The following COL4A4 variants were observed in gnomAD, a reference collection of about 807,000 sequenced individuals.
COL4A4 encodes the protein collagen alpha-4(IV) chain.
In COL4A4, 105 loss-of-function variants were observed where a neutral mutation model predicts 192.9. The observed-to-expected ratio is 0.54, with a 90% confidence interval of 0.46 to 0.64. The LOEUF is 0.64. COL4A4 is among the 30% of genes least tolerant of loss of function. The pLI is 0.00. For missense variants in COL4A4, 1,967 were observed against 2,169.3 expected (o/e 0.91, Z 1.85); for synonymous variants, 762 against 769.9 (o/e 0.99, Z 0.17).
chr2:227,087,912 A>C (rs1010271064), intron 22 of COL4A4, among the ~76,000 whole-genome samples: 3 of 151,892 alleles, frequency 2.0e-5, no homozygotes, highest in Non-Finnish European at 4.4e-5. Context: ...TCTTCTCTCC[A>C]GCTACAATCG....
chr2:227,032,420 T>C, intron 38 of COL4A4, 144 bp from the exon 39 acceptor site: 1 of 855,558 alleles, frequency 1.2e-6, no homozygotes, highest in Non-Finnish European at 1.9e-6. Flanking sequence ...GTGATCCAAA[T>C]GTCTGCACCA....
intron 4 of COL4A4, among the ~76,000 whole-genome samples, chr2:227,129,332 C>T (rs753247945): frequency 6.6e-6 from 1 of 152,018 alleles, no homozygotes; most frequent in Non-Finnish European, 1.5e-5. Context: ...GACTAAATAA[C>T]GTCATCACCT....
Position 227,054,643 on chromosome 2 carries a change from C to G in COL4A4, c.2811G>C (p.Glu937Asp). The part of the protein sequence containing the change: ...GCPGAKGEPG[E>D]KGMSGLPGDR... ...CTCCAGGAAGGCCAGACATGCCCTT[C>G]TCTCCAGGTTCTCCCTTTGCGCCAG... Residue 937 changes from glutamate (E) to aspartate (D), a missense_variant, in exon 31 of 48, where the codon GAG becomes GAC. Coordinates refer to ENST00000396625, the MANE Select transcript of COL4A4 (RefSeq NM_000092.5). 6.2e-7 allele frequency: 1 copy of G among 1,614,260 alleles called. No individual in the cohort carries two copies. The highest frequency in any genetic ancestry group is 8.5e-7 in the Non-Finnish European group (1 of 1,180,044).
In COL4A4 at chr2:227,030,073, TTAAAA is replaced by T. The variant is rs934866039; in HGVS notation, c.3973+365_3973+369del. On this transcript the variant is annotated intron_variant, in intron 41 of 47. Transcript: ENST00000396625. ...TTGATAAATGTATATTAACTATATGTTAAAATAAAAATATTTAAATATATTATGTT... is the reference window on the plus strand; with the variant it reads ...TTGATAAATGTATATTAACTATATGTTAAAAATATTTAAATATATTATGTT... 9.5e-4 allele frequency among the ~76,000 whole-genome samples: 144 copies of T among 151,568 alleles called. 1 individual carries two copies. Among genetic ancestry groups the T allele is most frequent in the African/African-American group, 3.3e-3 (137 of 41,250 alleles).
chr2:227,078,081 G>A lies in COL4A4; in HGVS notation c.1804-4C>T, dbSNP rs1464857860. On this transcript the variant is annotated splice_region_variant and splice_polypyrimidine_tract_variant and intron_variant, in intron 24 of 47. Transcript: ENST00000396625. ...GGGTCGCATCTTCATGATCCCCCTG[G>A]GAATGTTATGTCATGAGTCAATTAC... 1.9e-6 allele frequency: 3 copies of A among 1,613,654 alleles called. No homozygotes were observed. The highest frequency in any genetic ancestry group is 1.7e-4 in the Middle Eastern group (1 of 6,052).
At chr2:227,067,933 G>A (rs916822476) in intron 25 of COL4A4, among the ~76,000 whole-genome samples, 6 of 138,760 alleles carry the variant, frequency 4.3e-5, no homozygotes, top group African/African-American at 1.3e-4. Context: ...CCAGGAGCTG[G>A]TTTTTTGAAA....
Position 227,108,576 on chromosome 2 carries a change from C to A in COL4A4, c.735+5G>T. The A allele has an allele frequency of 6.2e-7, 1 of 1,613,868 alleles. No homozygotes were observed. The highest frequency in any genetic ancestry group is 1.1e-5 in the South Asian group (1 of 91,056). On this transcript the variant is annotated splice_donor_5th_base_variant and intron_variant, in intron 12 of 47. Transcript: ENST00000396625. The stretch of plus-strand genomic sequence containing the variant: ...CTGCTCCTCAGAGCAAGAGGGAATT[C>A]TTACCGGGTCTCCCATTTGCCCCTT...
the COL4A4 span, among the ~76,000 whole-genome samples, chr2:226,972,805 A>C: frequency 1.3e-5 from 2 of 151,988 alleles, no homozygotes; most frequent in African/African-American, 4.8e-5. Context: ...GTCTATTTGA[A>C]ATGTTTTGGT....
chr2:227,103,681 G>T (rs1164201338), intron 13 of COL4A4, among the ~76,000 whole-genome samples: 2 of 152,204 alleles, frequency 1.3e-5, no homozygotes, highest in African/African-American at 4.8e-5. Context: ...GCTTCCGGTG[G>T]TCTTTTCAAT....
chr2:227,079,145 C>T (rs2059191238), intron 24 of COL4A4, among the ~76,000 whole-genome samples: 1 of 152,180 alleles, frequency 6.6e-6, no homozygotes, highest in East Asian at 1.9e-4. Context: ...CAAGCACTCT[C>T]AAATGCAAGG....
At chr2:227,130,543 G>GC (rs1197001899) in intron 4 of COL4A4, among the ~76,000 whole-genome samples, 1 of 152,018 alleles carries the variant, frequency 6.6e-6, no homozygotes, top group Non-Finnish European at 1.5e-5. Flanking sequence ...GTGTCTTGTG[G>GC]CCCCCTCTTC....
At chr2:226,992,749 G>A in the COL4A4 span, among the ~76,000 whole-genome samples, 1 of 152,228 alleles carries the variant, frequency 6.6e-6, no homozygotes, top group African/African-American at 2.4e-5. Context: ...CAGGAAGGGC[G>A]GGAATGGTGA....
chr2:227,015,406 C>T (rs1417833977), intron 44 of COL4A4, among the ~76,000 whole-genome samples: 2 of 152,092 alleles, frequency 1.3e-5, no homozygotes, highest in African/African-American at 4.8e-5. Context: ...CTCTCCTTAC[C>T]TAACAAATCA....
At chr2:227,037,562 T>G (rs1207711001) in intron 37 of COL4A4, among the ~76,000 whole-genome samples, 2 of 152,232 alleles carry the variant, frequency 1.3e-5, no homozygotes, top group Non-Finnish European at 2.9e-5. Context: ...TGCATAGGTC[T>G]TTATAGCAGA....
At chr2:227,053,544 T>A (rs900085480) in intron 31 of COL4A4, among the ~76,000 whole-genome samples, 20 of 18,640 alleles carry the variant, frequency 1.1e-3, no homozygotes, top group African/African-American at 8.7e-3. Context: ...TTTCTTTTTC[T>A]TTTTTTTTTT....
intron 25 of COL4A4, among the ~76,000 whole-genome samples, chr2:227,068,950 T>C (rs1462779909): frequency 2.0e-5 from 3 of 150,266 alleles, no homozygotes; most frequent in Non-Finnish European, 4.4e-5. Flanking sequence ...GACGACATGA[T>C]TGTATATCTA....
intron 4 of COL4A4, among the ~76,000 whole-genome samples, chr2:227,129,661 G>A (rs1384492173): frequency 2.0e-5 from 3 of 151,960 alleles, no homozygotes; most frequent in African/African-American, 7.3e-5. Flanking sequence ...CGCCCCCCTC[G>A]GCCTCCCAAA....
chr2:227,143,016 A>G (rs73993696), intron 3 of COL4A4, among the ~76,000 whole-genome samples: 1 of 139,546 alleles, frequency 7.2e-6, no homozygotes, highest in Non-Finnish European at 1.5e-5. Context: ...ACACACACAC[A>G]CACGCACACA....
the COL4A4 span, among the ~76,000 whole-genome samples, chr2:226,986,946 G>T: frequency 1.7e-3 from 254 of 152,292 alleles, no homozygotes; most frequent in African/African-American, 6.0e-3. Context: ...ATCAGTGATC[G>T]ACTGGATAAA....
Sources: allele counts gnomAD v4.1 joint callset (sites outside exome capture counted in the v4.1 genomes callset), GRCh38; gene constraint gnomAD v4.1.1; transcripts MANE v1.5; gene names NCBI Gene and HGNC (gene_info 2026-07-23, HGNC 2026-07-21).